Variants in WDR1 observed in about 807,000 individuals in gnomAD.
WDR1 encodes the protein WD repeat domain 1.
A neutral mutation model predicts 71.9 loss-of-function variants in WDR1; 21 were observed. The observed-to-expected ratio is 0.29, with a 90% CI of 0.21 to 0.42. The LOEUF (loss-of-function observed/expected upper bound fraction) is 0.42, where lower values mean the gene tolerates loss of function less well. Among genes scored for constraint, WDR1 ranks in the 10% least tolerant of loss-of-function variants. WDR1 has a pLI of 1.00. For synonymous variants in WDR1, 424 were observed against 347.4 expected, an observed-to-expected ratio of 1.22 and a Z score of -2.45; for missense variants, 696 against 824.5, an observed-to-expected ratio of 0.84 and a Z score of 1.91.
At position 10,074,897 on chromosome 4, in the gene WDR1, C is replaced by G. The variant is rs1428860593; in HGVS notation, c.*481G>C. The G allele has an allele frequency of 6.2e-6, 1 of 161,026 alleles. No homozygotes were observed. The highest frequency in any genetic ancestry group is 2.0e-4 in the South Asian group (1 of 5,008). 10.0% of individuals were successfully genotyped at this position (161,026 alleles called of 1,614,324 possible). ...AGGTGTGAGTCACACACTAGGGAGA[C>G]AGACATCTGTTCAACACAGAATTCC... On this transcript the variant is annotated 3_prime_UTR_variant, in exon 15 of 15. Transcript: ENST00000499869.
chr4:10,102,479 C>T (rs34893238), intron 3 of WDR1, among the ~76,000 whole-genome samples: 1 of 152,106 alleles, frequency 6.6e-6, no homozygotes, highest in East Asian at 1.9e-4. Context: ...AGCCCAGCCC[C>T]TCTTCTTCTC....
chr4:10,075,565 C>A (rs1255867173), intron 14 of WDR1, 81 bp from the exon 15 acceptor site: 43 of 1,314,134 alleles, frequency 3.3e-5, no homozygotes, highest in Non-Finnish European at 4.6e-5. Flanking sequence ...GATGGAACAA[C>A]CTGTGCCTAA....
intron 1 of WDR1, 71 bp from the exon 2 acceptor site, chr4:10,116,305 G>A (rs1560552299): frequency 6.2e-7 from 1 of 1,600,102 alleles, no homozygotes; most frequent in South Asian, 1.1e-5. Flanking sequence ...GGGAGAAGGA[G>A]CCCCGGACCG....
At position 10,097,788 on chromosome 4, in the gene WDR1, G is replaced by C. The variant is rs373592999; in HGVS notation, c.481C>G (p.Arg161Gly). The part of the protein sequence containing the change: ...SVDIKQSRPY[R>G]LATGSDDNCA... ...TTATCATCGCTTCCCGTGGCCAGCCGGTATGGCCGGCTCTGCTTGATGTCC... is the reference window on the plus strand; with the variant it reads ...TTATCATCGCTTCCCGTGGCCAGCCCGTATGGCCGGCTCTGCTTGATGTCC... The change falls in exon 5 of 15, where the codon CGG becomes GGG. Residue 161 changes from arginine (R) to glycine (G), a missense_variant. Arg to Gly is a moderately radical substitution (Grantham distance 125). Transcript: ENST00000499869. The C allele has an allele frequency of 1.2e-6, 2 of 1,613,746 alleles. No homozygotes were observed. The highest frequency in any genetic ancestry group is 1.7e-6 in the Non-Finnish European group (2 of 1,179,816).
Position 10,077,816 on chromosome 4 carries a change from G to A in WDR1, c.1506C>T (p.Ala502=), listed in dbSNP as rs1268491433. The change falls in exon 13 of 15, where the codon GCC becomes GCT. Residue 502 remains alanine (A), a synonymous_variant. Coordinates refer to ENST00000499869, the MANE Select transcript of WDR1 (RefSeq NM_017491.5). ...TGCTGGCGTCGCACACCGCGAGGAA[G>A]GCGCCGTCGTGGGAGTAGGCCACGT... ...VTDVAYSHDG[A]FLAVCDASKV... 1.9e-6 allele frequency: 3 copies of A among 1,607,216 alleles called. No individual in the cohort carries two copies. Among genetic ancestry groups the A allele is most frequent in the South Asian group, 2.2e-5 (2 of 89,830 alleles).
At chr4:10,106,531 T>A (rs567244961) in intron 2 of WDR1, 77 of 152,342 alleles carry the variant, frequency 5.1e-4, no homozygotes, top group African/African-American at 1.8e-3. Context: ...GACGACCTCC[T>A]CCCCAGGCCG....
intron 2 of WDR1, among the ~76,000 whole-genome samples, chr4:10,109,264 A>G (rs1357389802): frequency 2.0e-5 from 3 of 152,246 alleles, no homozygotes; most frequent in African/African-American, 7.2e-5. Context: ...TTGCTGACTC[A>G]CCTGGGTTAT....
At chr4:10,111,763 C>G (rs759578814) in intron 2 of WDR1, among the ~76,000 whole-genome samples, 1 of 152,138 alleles carries the variant, frequency 6.6e-6, no homozygotes, top group Non-Finnish European at 1.5e-5. Flanking sequence ...GCAGCTCACA[C>G]CAAGGGAAAC....
chr4:10,083,537 T>C (rs1765095866), intron 9 of WDR1: 6 of 472,790 alleles, frequency 1.3e-5, no homozygotes, highest in Admixed American at 2.3e-5. Context: ...GTGGCATGTC[T>C]GCCCTCCTCT....
chr4:10,094,226 A>C (rs192913788), intron 5 of WDR1, among the ~76,000 whole-genome samples: 398 of 152,296 alleles, frequency 2.6e-3, no homozygotes, highest in African/African-American at 9.0e-3. Context: ...CATTAGACAC[A>C]AACTATCCAG....
chr4:10,114,247 A>G (rs1320029253), intron 2 of WDR1, among the ~76,000 whole-genome samples: 1 of 152,212 alleles, frequency 6.6e-6, no homozygotes, highest in African/African-American at 2.4e-5. Flanking sequence ...CCCTGAGAAG[A>G]AAATGGCAAA....
At chr4:10,116,073 G>A in intron 2 of WDR1, 40 bp downstream of exon 2, 2 of 1,596,938 alleles carry the variant, frequency 1.3e-6, no homozygotes, top group African/African-American at 1.3e-5. Flanking sequence ...TCCCAAGGTG[G>A]CTCCGGAGCA....
chr4:10,077,329 G>A lies in WDR1; in HGVS notation c.1689C>T (p.Asp563=). ...CTTGGATCTTGACTCTGGTTTCCGG[G>A]TCACTCAGGGTCCAAACATACACCA... ...DMMVYVWTLS[D]PETRVKIQDA... is the part of the protein sequence containing the mutation. Residue 563 remains aspartate (D), a synonymous_variant, in exon 14 of 15, where the codon GAC becomes GAT. Coordinates refer to ENST00000499869, the MANE Select transcript of WDR1 (RefSeq NM_017491.5). The A allele has an allele frequency of 6.2e-7, 1 of 1,614,014 alleles. No homozygotes were observed. The highest frequency in any genetic ancestry group is 1.3e-5 in the African/African-American group (1 of 75,048).
chr4:10,115,936 TG>T, intron 2 of WDR1, 176 bp downstream of exon 2: 3 of 755,912 alleles, frequency 4.0e-6, no homozygotes, highest in Non-Finnish European at 6.4e-6. Context: ...GACAAGGACC[TG>T]GGTGAATCTG....
rs1258988791 is a variant in WDR1, at chr4:10,116,657, C to T, written c.10G>A (p.Glu4Lys). 2 of 1,341,852 alleles carry T rather than the reference C, an allele frequency of 1.5e-6. No homozygotes were observed. Among genetic ancestry groups the T allele is most frequent in the Admixed American group, 2.8e-5 (1 of 35,494 alleles). The allele number at this position is 1,341,852 out of a possible 1,614,324, so 83.1% of individuals were successfully genotyped here. A position where few individuals can be genotyped will look rare whatever the true frequency, so the allele number is the denominator to read the frequency against. The change falls in exon 1 of 15, where the codon GAG becomes AAG. Residue 4 changes from glutamate to lysine, a missense_variant. Coordinates refer to ENST00000499869, the MANE Select transcript of WDR1 (RefSeq NM_017491.5). ...CCCGCGCCGCGGCACTTACTGATCT[C>T]GTACGGCATCCTCGCCCACTTGTTA... MPY[E>K]IKKVFASLPQ...
At chr4:10,100,509 C>T (rs1040483677) in intron 3 of WDR1, among the ~76,000 whole-genome samples, 17 of 152,220 alleles carry the variant, frequency 1.1e-4, no homozygotes, top group African/African-American at 4.1e-4. Context: ...TGTGGGCAGA[C>T]ACAGCCCGAG....
At chr4:10,079,165 T>C (rs1764916811) in intron 11 of WDR1, among the ~76,000 whole-genome samples, 164 bp from the exon 12 acceptor site, 1 of 152,212 alleles carries the variant, frequency 6.6e-6, no homozygotes, top group South Asian at 2.1e-4. Flanking sequence ...CCACCTGGAC[T>C]CATGTCCCGT....
At position 10,078,884 on chromosome 4, in the gene WDR1, G is replaced by A. The variant is rs538056853; in HGVS notation, c.1395+7C>T. On this transcript the variant is annotated splice_region_variant and intron_variant, in intron 12 of 14. Transcript: ENST00000499869. ...CAGAGAGCACGGGGGAGAGGAAAGC[G>A]ACTTACCACACCCCCAATTGCCACC... is the stretch of plus-strand genomic sequence containing the variant. 63 of 1,610,480 alleles carry A rather than the reference G, an allele frequency of 3.9e-5. No individual in the cohort carries two copies. The highest frequency in any genetic ancestry group is 4.5e-5 in the East Asian group (2 of 44,648).
Position 10,116,749 on chromosome 4 carries a change from A to AGCCCGG in WDR1, c.-89_-84dup. The AGCCCGG allele has an allele frequency of 7.9e-7, 1 of 1,259,816 alleles. No individual in the cohort carries two copies. The highest frequency in any genetic ancestry group is 3.3e-5 in the East Asian group (1 of 30,372). The allele number at this position is 1,259,816 out of a possible 1,614,324, so 78.0% of individuals were successfully genotyped here. A position where few individuals can be genotyped will look rare whatever the true frequency, so the allele number is the denominator to read the frequency against. ...TGCGAATTACACCTCGCCGAGGCCG[A>AGCCCGG]GCCCGGGGACTGGAGCCGGAAGGCG... is the stretch of plus-strand genomic sequence containing the variant. On this transcript the variant is annotated 5_prime_UTR_variant, in exon 1 of 15. Transcript: ENST00000499869.
Sources: allele counts gnomAD v4.1 joint callset (sites outside exome capture counted in the v4.1 genomes callset), GRCh38; gene constraint gnomAD v4.1.1; transcripts MANE v1.5; gene names NCBI Gene and HGNC (gene_info 2026-07-23, HGNC 2026-07-21).